The following MAST4 variants were observed in gnomAD, a reference collection of about 807,000 sequenced individuals.
MAST4 encodes microtubule associated serine/threonine kinase family member 4.
In MAST4, 89 loss-of-function variants were observed where a neutral mutation model predicts 162.7. The ratio of observed to expected loss-of-function variants is 0.55; its 90% CI spans 0.46 to 0.65. The LOEUF is 0.65. MAST4 is among the 30% of genes least tolerant of loss of function. MAST4 has a pLI of 0.00. For synonymous variants in MAST4, 1,479 were observed against 1,361.1 expected (o/e 1.09, Z -1.91); for missense variants, 3,153 against 3,374.0 (o/e 0.93, Z 1.62).
chr5:66,902,215 A>G (rs185537839), intron 4 of MAST4, among the ~76,000 whole-genome samples: 2 of 152,180 alleles, frequency 1.3e-5, no homozygotes, highest in East Asian at 1.9e-4. Flanking sequence ...TGTATTTCTT[A>G]TTGTCTTTGG....
In MAST4 at chr5:66,696,535, A is replaced by G. The variant is rs562714651; in HGVS notation, c.364-63174A>G. Among the ~76,000 whole-genome samples, 30 of 152,146 alleles carry G rather than the reference A, an allele frequency of 2.0e-4. No homozygotes were observed. The South Asian group carries it at 6.0e-3, about 31-fold the overall frequency. ...TCATTCTCATAACTTGAGCATCAAC[A>G]TGATGGTCAAGTCAACATTCTGACC... On this transcript the variant is annotated intron_variant, in intron 1 of 28. Transcript: ENST00000403625.
intron 1 of MAST4, among the ~76,000 whole-genome samples, chr5:66,697,713 G>C (rs926383811): frequency 3.3e-4 from 51 of 152,302 alleles, no homozygotes; most frequent in African/African-American, 1.1e-3. Flanking sequence ...ACATGTAATA[G>C]ATTTATTTTT....
chr5:67,105,681 GT>G (rs1490160362), intron 10 of MAST4, among the ~76,000 whole-genome samples: 3 of 152,194 alleles, frequency 2.0e-5, no homozygotes, highest in Non-Finnish European at 4.4e-5. Flanking sequence ...ATGCACTTGG[GT>G]TTCCTGGCAA....
intron 4 of MAST4, among the ~76,000 whole-genome samples, chr5:66,908,035 G>A (rs748930627): frequency 2.0e-5 from 3 of 152,040 alleles, no homozygotes; most frequent in Admixed American, 6.5e-5. Flanking sequence ...AAAACAAAAC[G>A]AAGAAAAAAA....
intron 4 of MAST4, among the ~76,000 whole-genome samples, chr5:67,029,373 T>G (rs147751362): frequency 6.6e-6 from 1 of 152,162 alleles, no homozygotes; most frequent in Non-Finnish European, 1.5e-5. Flanking sequence ...CTTATACTTA[T>G]GTTTCCCATA....
chr5:66,728,814 C>T (rs189308329), intron 1 of MAST4, among the ~76,000 whole-genome samples: 2,126 of 149,636 alleles, frequency 0.014, 21 homozygotes, highest in Middle Eastern at 0.031. Context: ...TAATGGAAGT[C>T]GTGATGGCTT....
At chr5:66,848,199 T>C (rs1759029402) in intron 3 of MAST4, among the ~76,000 whole-genome samples, 1 of 152,206 alleles carries the variant, frequency 6.6e-6, no homozygotes, top group Non-Finnish European at 1.5e-5. Context: ...AAATTTAGTG[T>C]ATCCCCTTTC....
At chr5:66,971,558 G>C (rs1436692564) in intron 4 of MAST4, among the ~76,000 whole-genome samples, 1 of 152,160 alleles carries the variant, frequency 6.6e-6, no homozygotes, top group Non-Finnish European at 1.5e-5. Flanking sequence ...ATTTCTTTGG[G>C]CCTCACAGCT....
intron 4 of MAST4, among the ~76,000 whole-genome samples, chr5:67,049,987 C>G (rs545186557): frequency 1.8e-4 from 27 of 152,212 alleles, no homozygotes; most frequent in African/African-American, 6.0e-4. Context: ...TCCCACCAAG[C>G]CTTTCTTATG....
At chr5:67,008,681 C>G (rs1561527490) in intron 4 of MAST4, among the ~76,000 whole-genome samples, 1 of 152,150 alleles carries the variant, frequency 6.6e-6, no homozygotes, top group African/African-American at 2.4e-5. Context: ...TAGTTTGTGA[C>G]TCAGTTCATC....
At chr5:67,013,635 G>GAAAATCACTGGATCCATAGCTTACATA (rs775936523) in intron 4 of MAST4, among the ~76,000 whole-genome samples, 350 of 152,238 alleles carry the variant, frequency 2.3e-3, no homozygotes, top group Non-Finnish European at 4.3e-3. Flanking sequence ...GAAATCTGTA[G>GAAAATCACTGGATCCATAGCTTACATA]AAAATCACTG....
At chr5:66,737,523 T>C (rs1182177277) in intron 1 of MAST4, among the ~76,000 whole-genome samples, 1 of 152,186 alleles carries the variant, frequency 6.6e-6, no homozygotes, top group African/African-American at 2.4e-5. Context: ...GTCTGCCTAT[T>C]ATAAGATCAC....
intron 3 of MAST4, among the ~76,000 whole-genome samples, chr5:66,890,551 T>C (rs1762303898): frequency 6.6e-6 from 1 of 152,222 alleles, no homozygotes; most frequent in African/African-American, 2.4e-5. Flanking sequence ...AAAAGTAACA[T>C]ATTCACAGGG....
chr5:66,835,825 AT>A (rs1452454087), intron 3 of MAST4, among the ~76,000 whole-genome samples: 1 of 152,154 alleles, frequency 6.6e-6, no homozygotes, highest in Non-Finnish European at 1.5e-5. Flanking sequence ...GGACATGGAG[AT>A]TCAGAGTCGT....
chr5:67,102,219 TGCAA>T (rs1216209576), intron 8 of MAST4, among the ~76,000 whole-genome samples: 14 of 152,278 alleles, frequency 9.2e-5, no homozygotes, highest in African/African-American at 3.1e-4. Context: ...CCAGATCTTA[TGCAA>T]GCTCATACTA....
rs185073168 is a variant in MAST4 at position 66,945,535 on chromosome 5, C to G, written c.674+45553C>G. 3.2e-3 allele frequency among the ~76,000 whole-genome samples: 489 copies of G among 152,132 alleles called. 1 individual carries two copies. The highest frequency in any genetic ancestry group is 5.1e-3 in the Non-Finnish European group (345 of 67,982). On this transcript the variant is annotated intron_variant, in intron 4 of 28. Coordinates refer to ENST00000403625, the MANE Select transcript of MAST4 (RefSeq NM_001164664.2). ...AAGGTAACTGAGGTCTTACAGCTGC[C>G]TTTTGTGGGGACTGCCCCTCAGAGA...
At chr5:67,158,622 A>C (rs918545461) in intron 26 of MAST4, among the ~76,000 whole-genome samples, 2 of 152,182 alleles carry the variant, frequency 1.3e-5, no homozygotes, top group Non-Finnish European at 2.9e-5. Flanking sequence ...AACTAATAAT[A>C]AAATACTAAG....
At chr5:66,761,575 T>C (rs76095143) in intron 2 of MAST4, among the ~76,000 whole-genome samples, 1 of 151,794 alleles carries the variant, frequency 6.6e-6, no homozygotes, top group Non-Finnish European at 1.5e-5. Flanking sequence ...TTTTTTTTTT[T>C]GGAGAACTAT....
intron 5 of MAST4, among the ~76,000 whole-genome samples, chr5:67,082,240 C>T (rs1218872558): frequency 2.0e-5 from 3 of 151,640 alleles, no homozygotes; most frequent in South Asian, 2.1e-4. Flanking sequence ...CTTCTGCCCC[C>T]GGGGTGCAAG....
Sources: gnomAD v4.1 joint callset for allele counts (sites outside exome capture counted in the v4.1 genomes callset) on GRCh38, gnomAD v4.1.1 for gene constraint, MANE v1.5 for transcripts, NCBI Gene and HGNC (gene_info 2026-07-23, HGNC 2026-07-21) for gene names.